The following BCKDHB variants were observed in gnomAD, a reference collection of about 807,000 sequenced individuals.
BCKDHB encodes branched chain keto acid dehydrogenase E1 subunit beta.
In BCKDHB, 41 loss-of-function variants were observed where a neutral mutation model predicts 48.5. That is an observed-to-expected ratio of 0.85 (90% confidence interval 0.66 to 1.10). The LOEUF (loss-of-function observed/expected upper bound fraction) is 1.10, where lower values mean the gene tolerates loss of function less well. Ranked by LOEUF, BCKDHB falls within the 50% of genes least tolerant of loss-of-function variation. The pLI is 0.00. For synonymous variants in BCKDHB, 201 were observed against 174.8 expected (o/e 1.15, Z -1.18); for missense variants, 496 against 494.2 (o/e 1.00, Z -0.03).
intron 9 of BCKDHB, among the ~76,000 whole-genome samples, chr6:80,286,889 A>G (rs1766650604): frequency 6.6e-6 from 1 of 152,104 alleles, no homozygotes; most frequent in African/African-American, 2.4e-5. Context: ...TTTAAGGGTG[A>G]TTTTATTACA....
the BCKDHB span, among the ~76,000 whole-genome samples, chr6:80,371,129 T>C: frequency 0.95 from 143,860 of 152,140 alleles, 68,551 homozygotes; most frequent in East Asian, 1. Context: ...GTTCCCTTTT[T>C]ACCACATCCA....
chr6:80,167,187 T>A (rs1178051729), intron 3 of BCKDHB, among the ~76,000 whole-genome samples: 1 of 152,192 alleles, frequency 6.6e-6, no homozygotes, highest in African/African-American at 2.4e-5. Context: ...CTGCTATTAA[T>A]ATAGTGACAT....
intron 6 of BCKDHB, among the ~76,000 whole-genome samples, chr6:80,191,837 T>C (rs1773908369): frequency 6.6e-6 from 1 of 152,188 alleles, no homozygotes; most frequent in South Asian, 2.1e-4. Context: ...AGCAGGAGTC[T>C]AAAGTAGGCT....
the BCKDHB span, among the ~76,000 whole-genome samples, chr6:80,385,479 CT>C: frequency 2.0e-5 from 3 of 152,100 alleles, no homozygotes; most frequent in South Asian, 4.1e-4. Flanking sequence ...TCTAATGAAC[CT>C]TTTTTGCCAG....
At chr6:80,223,471 T>G (rs1476711652) in intron 8 of BCKDHB, among the ~76,000 whole-genome samples, 2 of 152,200 alleles carry the variant, frequency 1.3e-5, no homozygotes, top group Admixed American at 1.3e-4. Flanking sequence ...ATTTCTTATG[T>G]CAGTTTTGGA....
At chr6:80,353,848 G>A in the BCKDHB span, among the ~76,000 whole-genome samples, 21 of 56,534 alleles carry the variant, frequency 3.7e-4, no homozygotes, top group East Asian at 2.3e-3. Context: ...GTGAGACTCC[G>A]TCTCAAAAAA....
chr6:80,108,999 T>C (rs1452301176), intron 1 of BCKDHB, among the ~76,000 whole-genome samples: 2 of 152,258 alleles, frequency 1.3e-5, no homozygotes, highest in Non-Finnish European at 2.9e-5. Flanking sequence ...ATACAACTTA[T>C]TTAGTCGGAA....
At chr6:80,231,952 G>A (rs895507860) in intron 8 of BCKDHB, among the ~76,000 whole-genome samples, 3 of 152,194 alleles carry the variant, frequency 2.0e-5, no homozygotes, top group Non-Finnish European at 4.4e-5. Flanking sequence ...GTCACAGGGC[G>A]AGAGTCTGTC....
chr6:80,405,227 C>T, the BCKDHB span, among the ~76,000 whole-genome samples: 2,105 of 152,216 alleles, frequency 0.014, 23 homozygotes, highest in South Asian at 0.034. Flanking sequence ...CCAATATTGG[C>T]TGCCTATTTA....
the BCKDHB span, among the ~76,000 whole-genome samples, chr6:80,398,315 GAGAT>G: frequency 2.0e-5 from 3 of 151,518 alleles, no homozygotes; most frequent in African/African-American, 7.3e-5. Flanking sequence ...AAAAATAAGA[GAGAT>G]AGACTGCTAG....
At chr6:80,269,239 C>G (rs1339606121) in intron 8 of BCKDHB, among the ~76,000 whole-genome samples, 4 of 152,060 alleles carry the variant, frequency 2.6e-5, no homozygotes, top group African/African-American at 9.7e-5. Flanking sequence ...TCCAGCAGAA[C>G]AGGGATGCCT....
chr6:80,251,545 GTGCTTAGAAT>G (rs1319408236), intron 8 of BCKDHB, among the ~76,000 whole-genome samples: 1 of 152,134 alleles, frequency 6.6e-6, no homozygotes, highest in Non-Finnish European at 1.5e-5. Context: ...TGTCTGTTCT[GTGCTTAGAAT>G]TCATCCCTTC....
At chr6:80,108,876 C>T (rs1350430995) in intron 1 of BCKDHB, among the ~76,000 whole-genome samples, 1 of 151,992 alleles carries the variant, frequency 6.6e-6, no homozygotes, top group East Asian at 1.9e-4. Context: ...CCCCAAAAAA[C>T]CAAAAAACAA....
chr6:80,350,179 C>T (rs1345738669), downstream of BCKDHB, among the ~76,000 whole-genome samples: 1 of 151,798 alleles, frequency 6.6e-6, no homozygotes, highest in Non-Finnish European at 1.5e-5. Context: ...AAAGCAATGA[C>T]AAAATATTTA....
chr6:80,376,905 C>A, the BCKDHB span, among the ~76,000 whole-genome samples: 1 of 152,076 alleles, frequency 6.6e-6, no homozygotes, highest in Non-Finnish European at 1.5e-5. Flanking sequence ...TTTGTCTTTT[C>A]AATATTGAGT....
chr6:80,212,629 C>G (rs559033706), intron 8 of BCKDHB, among the ~76,000 whole-genome samples: 1 of 151,990 alleles, frequency 6.6e-6, no homozygotes, highest in Non-Finnish European at 1.5e-5. Flanking sequence ...CCTCAGTTTA[C>G]GAAGATAACA....
chr6:80,264,955 A>T (rs761481909), intron 8 of BCKDHB, among the ~76,000 whole-genome samples: 1 of 152,100 alleles, frequency 6.6e-6, no homozygotes, highest in Admixed American at 6.6e-5. Flanking sequence ...AAGCACCTGG[A>T]AATTGCTTAA....
At chr6:80,322,896 CTTTT>C (rs34177726) in intron 9 of BCKDHB, among the ~76,000 whole-genome samples, 7 of 115,564 alleles carry the variant, frequency 6.1e-5, no homozygotes, top group East Asian at 2.5e-4. Context: ...TTTCTTTTTT[CTTTT>C]TTTTTTTTTT....
At chr6:80,400,844 G>T in the BCKDHB span, among the ~76,000 whole-genome samples, 1 of 151,988 alleles carries the variant, frequency 6.6e-6, no homozygotes, top group Admixed American at 6.6e-5. Flanking sequence ...GCTGGATAAA[G>T]AAAATGTAGT....
Sources: allele counts gnomAD v4.1 joint callset (sites outside exome capture counted in the v4.1 genomes callset), GRCh38; gene constraint gnomAD v4.1.1; transcripts MANE v1.5; gene names NCBI Gene and HGNC (gene_info 2026-07-23, HGNC 2026-07-21).